The following DGKG variants were observed in gnomAD, a reference collection of about 807,000 sequenced individuals.
DGKG encodes diacylglycerol kinase gamma.
In DGKG, 78 loss-of-function variants were observed where a neutral mutation model predicts 105.3. The ratio of observed to expected loss-of-function variants is 0.74; its 90% CI spans 0.62 to 0.89. DGKG has a LOEUF of 0.89. Among genes scored for constraint, DGKG ranks in the 40% least tolerant of loss-of-function variants. The pLI, the probability that DGKG is intolerant of heterozygous loss-of-function variation, is 0.00. For missense variants in DGKG, 958 were observed against 1,020.1 expected (o/e 0.94, Z 0.83); for synonymous variants, 346 against 367.1 (o/e 0.94, Z 0.66).
chr3:186,345,614 A>T (rs1367921314), intron 1 of DGKG, among the ~76,000 whole-genome samples: 2 of 152,222 alleles, frequency 1.3e-5, no homozygotes, highest in Non-Finnish European at 2.9e-5. Context: ...AGGAATTCAG[A>T]ATATTTTATT....
At chr3:186,351,517 T>C (rs1185331585) in intron 1 of DGKG, among the ~76,000 whole-genome samples, 1 of 152,166 alleles carries the variant, frequency 6.6e-6, no homozygotes, top group Non-Finnish European at 1.5e-5. Flanking sequence ...GAAGTTCTAA[T>C]GCAAATGAAA....
Position 186,184,652 on chromosome 3 carries a change from G to T in DGKG, c.2095+3550C>A, listed in dbSNP as rs138895225. Among the ~76,000 whole-genome samples the T allele has an allele frequency of 9.6e-3, 1,467 of 152,070 alleles. 17 individuals carry two copies. The highest frequency in any genetic ancestry group is 0.013 in the Admixed American group (192 of 15,262). ...TGACCTCAAGTGATTCGCCTGCCTC[G>T]GCCTCCCAAAGTGCTGGGATTACAG... On this transcript the variant is annotated intron_variant, in intron 22 of 24. Transcript: ENST00000265022.
chr3:186,356,336 T>C (rs879765840), intron 1 of DGKG, among the ~76,000 whole-genome samples: 2 of 152,106 alleles, frequency 1.3e-5, no homozygotes, highest in African/African-American at 4.8e-5. Flanking sequence ...GCCAGAAATA[T>C]CTGGGCAAGT....
In DGKG at chr3:186,298,227, C is replaced by T. The variant is rs370049749; in HGVS notation, c.147G>A (p.Pro49=). ...ACAGCTTGAAGACATCATAGCTAAT[C>T]GGCTGAGAAGGGGCAAAAGGGCAAA... ...GSLKQYDPHE[P]ISYDVFKLFM... is the part of the protein sequence containing the mutation. The change falls in exon 4 of 25, where the codon CCG becomes CCA. Residue 49 remains proline, a splice_region_variant and synonymous_variant. Transcript: ENST00000265022. 194 of 1,591,408 alleles carry T rather than the reference C, an allele frequency of 1.2e-4. 1 individual carries two copies. The highest frequency in any genetic ancestry group is 1.7e-4 in the Middle Eastern group (1 of 5,990).
intron 20 of DGKG, among the ~76,000 whole-genome samples, chr3:186,212,104 A>C (rs1358841794): frequency 6.6e-6 from 1 of 152,208 alleles, no homozygotes; most frequent in Non-Finnish European, 1.5e-5. Context: ...ACATCACGGC[A>C]ACCCTGGGTG....
intron 5 of DGKG, 44 bp downstream of exon 5, chr3:186,297,377 G>T: frequency 1.4e-6 from 2 of 1,429,600 alleles, no homozygotes; most frequent in Non-Finnish European, 2.0e-6. Flanking sequence ...CAAGGATGAG[G>T]TATTCCCTAC....
At chr3:186,238,198 G>C (rs1355160427) in intron 20 of DGKG, among the ~76,000 whole-genome samples, 1 of 148,202 alleles carries the variant, frequency 6.7e-6, no homozygotes, top group Non-Finnish European at 1.5e-5. Flanking sequence ...TCAGGAGGCT[G>C]TGTAGGAAAA....
intron 13 of DGKG, 24 bp from the exon 14 acceptor site, chr3:186,265,330 GC>G: frequency 6.2e-7 from 1 of 1,612,216 alleles, no homozygotes; most frequent in Non-Finnish European, 8.5e-7. Flanking sequence ...GGAAAGACAA[GC>G]ATCTTTTGGA....
At chr3:186,338,016 A>T (rs924230548) in intron 1 of DGKG, among the ~76,000 whole-genome samples, 5 of 151,964 alleles carry the variant, frequency 3.3e-5, no homozygotes, top group Admixed American at 6.6e-5. Context: ...AAAAAATTTT[A>T]AAAATGAGCT....
At chr3:186,278,605 G>A (rs893351108) in intron 9 of DGKG, among the ~76,000 whole-genome samples, 5 of 152,206 alleles carry the variant, frequency 3.3e-5, no homozygotes, top group South Asian at 2.1e-4. Context: ...AGGGGGTCAT[G>A]TAGATCCTGG....
chr3:186,159,766 A>G (rs1227877630), intron 24 of DGKG: 11 of 152,206 alleles, frequency 7.2e-5, no homozygotes. Context: ...CCCCAAATTC[A>G]TATGTTGAAT....
chr3:186,263,043 C>T (rs13098495), intron 14 of DGKG, among the ~76,000 whole-genome samples: 11,941 of 151,874 alleles, frequency 0.079, 580 homozygotes, highest in Admixed American at 0.14. Context: ...AGGAGAATCG[C>T]TTGAACCTGG....
chr3:186,251,926 A>G lies in DGKG; in HGVS notation c.1601-7T>C. On this transcript the variant is annotated splice_region_variant and splice_polypyrimidine_tract_variant and intron_variant, in intron 18 of 24. Transcript: ENST00000265022. ...AAGCTGCCCCCTTCATAACCTGTGGAGGACAGCACTGCATTTGCCACCACA... is the reference window on the plus strand; with the variant it reads ...AAGCTGCCCCCTTCATAACCTGTGGGGGACAGCACTGCATTTGCCACCACA... The G allele has an allele frequency of 6.4e-7, 1 of 1,554,130 alleles. No individual in the cohort carries two copies. The highest frequency in any genetic ancestry group is 8.7e-7 in the Non-Finnish European group (1 of 1,148,666).
intron 24 of DGKG, among the ~76,000 whole-genome samples, chr3:186,150,777 T>C (rs1485603794): frequency 1.3e-5 from 2 of 152,370 alleles, no homozygotes; most frequent in South Asian, 2.1e-4. Context: ...TAAAACTTTT[T>C]TTTCTTTAAA....
chr3:186,200,658 C>A (rs962483700), intron 21 of DGKG, among the ~76,000 whole-genome samples: 3 of 152,124 alleles, frequency 2.0e-5, no homozygotes, highest in Non-Finnish European at 4.4e-5. Context: ...GCCATCCTGA[C>A]CCCCCACTTC....
Position 186,257,931 on chromosome 3 carries a change from A to G in DGKG, c.1433T>C (p.Phe478Ser), listed in dbSNP as rs1284298235. The change falls in exon 17 of 25, where the codon TTT becomes TCT. Residue 478 changes from phenylalanine (F) to serine (S), a missense_variant. By Grantham distance (155) the Phe-to-Ser change is radical. This residue lies in a region of DGKG where 643 missense variants were observed against 619.5 expected (regional missense o/e 1.04). Coordinates refer to ENST00000265022, the MANE Select transcript of DGKG (RefSeq NM_001346.3). Reference sequence around the variant, plus strand: ...ACGGAAGTCTGGAGTATCACGGAAAAAGTTCAACCTGGGAAGAAGAAGAAA... The same window carrying G: ...ACGGAAGTCTGGAGTATCACGGAAAGAGTTCAACCTGGGAAGAAGAAGAAA... ...DNGGPTPGLN[F>S]FRDTPDFRVL... 6.2e-6 allele frequency: 10 copies of G among 1,613,930 alleles called. No individual in the cohort carries two copies. Among genetic ancestry groups the G allele is most frequent in the Non-Finnish European group, 7.6e-6 (9 of 1,179,938 alleles).
intron 2 of DGKG, among the ~76,000 whole-genome samples, chr3:186,309,589 A>G (rs1054021988): frequency 6.6e-6 from 1 of 152,218 alleles, no homozygotes; most frequent in African/African-American, 2.4e-5. Context: ...AATCTATTTT[A>G]ATGGGAGGTT....
At chr3:186,264,567 T>G (rs1721953693) in intron 14 of DGKG, among the ~76,000 whole-genome samples, 1 of 152,132 alleles carries the variant, frequency 6.6e-6, no homozygotes. Flanking sequence ...CCCGGCCTTT[T>G]ACTTTTCACA....
intron 1 of DGKG, among the ~76,000 whole-genome samples, chr3:186,342,745 T>C (rs1726144661): frequency 6.6e-6 from 1 of 152,174 alleles, no homozygotes; most frequent in Non-Finnish European, 1.5e-5. Flanking sequence ...GAAGTCTAGA[T>C]TTAGGCAGTC....
Sources: allele counts gnomAD v4.1 joint callset (sites outside exome capture counted in the v4.1 genomes callset), GRCh38; gene constraint gnomAD v4.1.1; regional missense constraint gnomAD v4.1.1; transcripts MANE v1.5; gene names NCBI Gene and HGNC (gene_info 2026-07-23, HGNC 2026-07-21).